The following NECTIN4 variants were observed in gnomAD, a reference collection of about 807,000 sequenced individuals.
NECTIN4 encodes the protein nectin-4.
In NECTIN4, 19 loss-of-function variants were observed where a neutral mutation model predicts 51.7. The ratio of observed to expected loss-of-function variants is 0.37; its 90% CI spans 0.26 to 0.54. The LOEUF is 0.54. Among genes scored for constraint, NECTIN4 ranks in the 20% least tolerant of loss-of-function variants. The probability of loss-of-function intolerance (pLI) is 0.86; values close to 1 mark genes in which losing one functional copy is unlikely to be tolerated. For synonymous variants in NECTIN4, 283 were observed against 286.9 expected, an observed-to-expected ratio of 0.99 and a Z score of 0.14; for missense variants, 619 against 662.4, an observed-to-expected ratio of 0.93 and a Z score of 0.72.
intron 1 of NECTIN4, among the ~76,000 whole-genome samples, chr1:161,088,597 C>G (rs1237913433): frequency 6.6e-6 from 1 of 152,134 alleles, no homozygotes; most frequent in African/African-American, 2.4e-5. Flanking sequence ...TATTACCACC[C>G]TGGCACCTAA....
chr1:161,074,247 C>T lies in NECTIN4; in HGVS notation c.1127G>A (p.Arg376Gln), dbSNP rs757836453. Reference sequence around the variant, plus strand: ...CTGGGTCATCTGCTGGGCCTTGCGCCGATGGTATCGGGACATGAGCACCAC... The same window carrying T: ...CTGGGTCATCTGCTGGGCCTTGCGCTGATGGTATCGGGACATGAGCACCAC... ...VVVVLMSRYH[R>Q]RKAQQMTQKY... Residue 376 changes from arginine to glutamine, a missense_variant, in exon 6 of 9, where the codon CGG becomes CAG. Physicochemically the swap from Arg to Gln is conservative, Grantham distance 43. Transcript: ENST00000368012. 3.0e-5 allele frequency: 49 copies of T among 1,613,922 alleles called. No homozygotes were observed. Among genetic ancestry groups the T allele is most frequent in the African/African-American group, 1.3e-5 (1 of 74,842 alleles).
intron 1 of NECTIN4, among the ~76,000 whole-genome samples, chr1:161,081,618 G>A (rs987397184): frequency 9.9e-5 from 15 of 152,114 alleles, no homozygotes; most frequent in African/African-American, 2.7e-4. Context: ...CTTGGAACGC[G>A]TGCCCCAGCA....
intron 2 of NECTIN4, among the ~76,000 whole-genome samples, chr1:161,078,156 T>G (rs1233993784): frequency 2.0e-5 from 3 of 152,194 alleles, no homozygotes; most frequent in Non-Finnish European, 4.4e-5. Flanking sequence ...ACAAGGAAGT[T>G]AAGTGACTAT....
At chr1:161,079,359 T>C (rs1653558990) in intron 2 of NECTIN4, among the ~76,000 whole-genome samples, 2 of 152,242 alleles carry the variant, frequency 1.3e-5, no homozygotes, top group African/African-American at 4.8e-5. Flanking sequence ...TTTCATGTCG[T>C]CGGAAGGAAG....
intron 1 of NECTIN4, among the ~76,000 whole-genome samples, chr1:161,081,766 T>C (rs1653687958): frequency 6.6e-6 from 1 of 152,158 alleles, no homozygotes; most frequent in Non-Finnish European, 1.5e-5. Context: ...CATTTAAGAC[T>C]CCGCTTAGAC....
In NECTIN4 at chr1:161,072,381, C is replaced by G. The variant is rs1653210511; in HGVS notation, c.*280G>C. 1.9e-6 allele frequency: 1 copy of G among 538,562 alleles called. No individual in the cohort carries two copies. The highest frequency in any genetic ancestry group is 3.1e-5 in the Admixed American group (1 of 32,192). The allele number at this position is 538,562 out of a possible 1,614,324, so 33.4% of individuals were successfully genotyped here. On this transcript the variant is annotated 3_prime_UTR_variant, in exon 9 of 9. Coordinates refer to ENST00000368012, the MANE Select transcript of NECTIN4 (RefSeq NM_030916.3). ...GCATAATACACACCACGGACACAGT[C>G]ACCCCTCCACGGACAGTCACCCCTC...
chr1:161,089,132 G>T lies in NECTIN4; in HGVS notation c.79+86C>A. On this transcript the variant is annotated intron_variant, in intron 1 of 8. Coordinates refer to ENST00000368012, the MANE Select transcript of NECTIN4 (RefSeq NM_030916.3). This position sits in a 1 kb window ranked among gnomAD's most constrained non-coding sequence, Gnocchi z 4.1. ...AAGAAAGGAGGATATGTGTGTGCGT[G>T]CGTGTGTGTCTATGTGTTTGTGCAT... The T allele has an allele frequency of 8.7e-7, 1 of 1,150,506 alleles. No individual in the cohort carries two copies. The highest frequency in any genetic ancestry group is 1.3e-6 in the Non-Finnish European group (1 of 761,440). The allele number at this position is 1,150,506 out of a possible 1,614,324, so 71.3% of individuals were successfully genotyped here.
chr1:161,074,836 TC>T, intron 4 of NECTIN4, 77 bp from the exon 5 acceptor site: 1 of 1,462,460 alleles, frequency 6.8e-7, no homozygotes, highest in South Asian at 1.2e-5. Context: ...CAGACAGCTC[TC>T]CACCCTCCAC....
intron 4 of NECTIN4, among the ~76,000 whole-genome samples, chr1:161,074,995 T>C (rs1208726690): frequency 6.6e-6 from 1 of 152,148 alleles, no homozygotes; most frequent in Non-Finnish European, 1.5e-5. Context: ...ACGTGTGCCA[T>C]CCCACATGCT....
In NECTIN4 at chr1:161,074,723, A is replaced by C. The variant is rs1051296317; in HGVS notation, c.888T>G (p.Asp296Glu). The C allele has an allele frequency of 6.2e-7, 1 of 1,614,046 alleles. No individual in the cohort carries two copies. Among genetic ancestry groups the C allele is most frequent in the Admixed American group, 1.7e-5 (1 of 60,024 alleles). ...DGPLPSGVRV[D>E]GDTLGFPPLT... ...GTGGGGGAAAGCCCAAAGTGTCCCC[A>C]TCCACTCGTACCCCACTGGGCAGAG... The change falls in exon 5 of 9, where the codon GAT becomes GAG. Residue 296 changes from aspartate (D) to glutamate (E), a missense_variant. Asp to Glu is a conservative substitution (Grantham distance 45). Transcript: ENST00000368012.
intron 1 of NECTIN4, among the ~76,000 whole-genome samples, chr1:161,087,778 G>C (rs1654015780): frequency 6.6e-6 from 1 of 152,048 alleles, no homozygotes; most frequent in Non-Finnish European, 1.5e-5. Context: ...GTGTGTGCGT[G>C]TGTGTCTACT....
chr1:161,078,339 C>T lies in NECTIN4; in HGVS notation c.440-596G>A, dbSNP rs187815020. ...TTATCTACTTGTGAGACTGAGTCTC[C>T]GTCTGTTGCCCAGGCTGGAGTGCAG... On this transcript the variant is annotated intron_variant, in intron 2 of 8. Coordinates refer to ENST00000368012, the MANE Select transcript of NECTIN4 (RefSeq NM_030916.3). Among the ~76,000 whole-genome samples the T allele has an allele frequency of 1.3e-4, 20 of 151,660 alleles. No homozygotes were observed. In the East Asian group the frequency reaches 2.9e-3, roughly 22 times the overall value.
Position 161,072,450 on chromosome 1 carries a change from C to T in NECTIN4, c.*211G>A. On this transcript the variant is annotated 3_prime_UTR_variant, in exon 9 of 9. Transcript: ENST00000368012. ...CAACACTCACACAGGCACACATGCA[C>T]ACACACAGTGACCTGCATGCATGGT... The T allele has an allele frequency of 1.6e-6, 1 of 632,398 alleles. No homozygotes were observed. The highest frequency in any genetic ancestry group is 2.3e-5 in the Admixed American group (1 of 43,154). 39.2% of individuals were successfully genotyped at this position (632,398 alleles called of 1,614,324 possible).
chr1:161,076,558 C>G lies in NECTIN4; in HGVS notation c.731-83G>C, dbSNP rs1653425003. 4 of 1,580,996 alleles carry G rather than the reference C, an allele frequency of 2.5e-6. No individual in the cohort carries two copies. The East Asian group carries it at 9.0e-5, about 35-fold the overall frequency. On this transcript the variant is annotated intron_variant, in intron 3 of 8. Coordinates refer to ENST00000368012, the MANE Select transcript of NECTIN4 (RefSeq NM_030916.3). ...CTCAAAGGGCCCTGCCCCCACCCCA[C>G]CCTGCCTGAAACACCCTCCCCTTGC...
rs764068192 is a variant in NECTIN4, at chr1:161,077,589, G to C, written c.594C>G (p.His198Gln). ...CTGAGGTGACGGCAGCAGAGCGGGAGTGCTTGAAGGAACGGCTGGACGTTG... is the reference window on the plus strand; with the variant it reads ...CTGAGGTGACGGCAGCAGAGCGGGACTGCTTGAAGGAACGGCTGGACGTTG... The part of the protein sequence containing the change: ...KGTTSSRSFK[H>Q]SRSAAVTSEF... Residue 198 changes from histidine to glutamine, a missense_variant, in exon 3 of 9, where the codon CAC becomes CAG. This residue lies in a region of NECTIN4 where 364 missense variants were observed against 415.7 expected (regional missense o/e 0.88). Coordinates refer to ENST00000368012, the MANE Select transcript of NECTIN4 (RefSeq NM_030916.3). The C allele has an allele frequency of 6.2e-7, 1 of 1,613,964 alleles. No individual in the cohort carries two copies. The highest frequency in any genetic ancestry group is 8.5e-7 in the Non-Finnish European group (1 of 1,180,048).
chr1:161,074,757 A>G lies in NECTIN4; in HGVS notation c.854T>C (p.Leu285Pro), dbSNP rs1389463934. The part of the protein sequence containing the change: ...QPPPSYNWTR[L>P]DGPLPSGVRV... ...TACCCCACTGGGCAGAGGCCCATCC[A>G]GCCTGGAAGACAGGGAAGCTGAAGG... is the stretch of plus-strand genomic sequence containing the variant. The change falls in exon 5 of 9, where the codon CTG becomes CCG. Residue 285 changes from leucine (L) to proline (P), a missense_variant and splice_region_variant. Leu to Pro is a moderately conservative substitution (Grantham distance 98). Transcript: ENST00000368012. 1 of 1,613,318 alleles carries G rather than the reference A, an allele frequency of 6.2e-7. No individual in the cohort carries two copies. The highest frequency in any genetic ancestry group is 8.5e-7 in the Non-Finnish European group (1 of 1,179,886).
intron 8 of NECTIN4, 144 bp downstream of exon 8, chr1:161,073,081 C>T (rs951656817): frequency 1.1e-4 from 96 of 853,106 alleles, no homozygotes; most frequent in East Asian, 2.2e-4. Context: ...AGAACAAAGA[C>T]GTAGCAGAGA....
intron 2 of NECTIN4, among the ~76,000 whole-genome samples, chr1:161,077,952 T>C (rs1474501197): frequency 6.6e-6 from 1 of 152,200 alleles, no homozygotes; most frequent in Non-Finnish European, 1.5e-5. Flanking sequence ...TAGGTTATTT[T>C]AAAAAATAAA....
intron 1 of NECTIN4, 112 bp from the exon 2 acceptor site, chr1:161,080,061 C>G: frequency 7.5e-7 from 1 of 1,339,468 alleles, no homozygotes; most frequent in Non-Finnish European, 1.0e-6. Context: ...AGCATTTGGG[C>G]TTGCAAAGCA....
Sources: gnomAD v4.1 joint callset for allele counts (sites outside exome capture counted in the v4.1 genomes callset) on GRCh38, gnomAD v4.1.1 for gene constraint, gnomAD v4.1.1 regional missense constraint, Gnocchi (gnomAD v3.1) non-coding constraint, MANE v1.5 for transcripts, NCBI Gene and HGNC (gene_info 2026-07-23, HGNC 2026-07-21) for gene names.